The following LRRC4C variants were observed in gnomAD, a reference collection of about 807,000 sequenced individuals.
The protein encoded by LRRC4C is leucine rich repeat containing 4C.
In LRRC4C, 5 loss-of-function variants were observed where a neutral mutation model predicts 33.6. That is an observed-to-expected ratio of 0.15 (90% confidence interval 0.08 to 0.31). The LOEUF (loss-of-function observed/expected upper bound fraction) is 0.31. Ranked by LOEUF, LRRC4C falls within the 10% of genes least tolerant of loss-of-function variation. LRRC4C has a pLI of 1.00. For synonymous variants in LRRC4C, 329 were observed against 302.0 expected (o/e 1.09, Z -0.93); for missense variants, 560 against 796.7 (o/e 0.70, Z 3.58).
intron 3 of LRRC4C, among the ~76,000 whole-genome samples, chr11:40,502,105 C>G (rs886596738): frequency 3.3e-5 from 5 of 152,166 alleles, no homozygotes; most frequent in African/African-American, 1.2e-4. Context: ...GTCACCTTTG[C>G]TCTAGTTCCC....
At chr11:40,920,071 C>G (rs1768354411) in intron 2 of LRRC4C, among the ~76,000 whole-genome samples, 1 of 152,056 alleles carries the variant, frequency 6.6e-6, no homozygotes, top group Non-Finnish European at 1.5e-5. Flanking sequence ...TGATGCAATG[C>G]CATTAATTTT....
At chr11:40,265,120 C>T (rs1206837201) in intron 4 of LRRC4C, among the ~76,000 whole-genome samples, 8 of 152,138 alleles carry the variant, frequency 5.3e-5, no homozygotes, top group African/African-American at 1.9e-4. Flanking sequence ...AATTAATTTT[C>T]CCTCCTTCCA....
intron 1 of LRRC4C, among the ~76,000 whole-genome samples, chr11:40,965,407 C>T (rs1177329232): frequency 1.3e-5 from 2 of 151,978 alleles, no homozygotes; most frequent in Non-Finnish European, 2.9e-5. Context: ...CTTTTGTTGC[C>T]ATTGCTTTTG....
intron 6 of LRRC4C, among the ~76,000 whole-genome samples, chr11:40,129,695 A>T (rs1468814761): frequency 1.3e-5 from 2 of 152,164 alleles, no homozygotes; most frequent in African/African-American, 4.8e-5. Flanking sequence ...TGACCACCAC[A>T]TGCCTGCTAC....
intron 6 of LRRC4C, among the ~76,000 whole-genome samples, chr11:40,123,675 A>G (rs1363119648): frequency 2.0e-5 from 3 of 152,132 alleles, no homozygotes; most frequent in African/African-American, 7.2e-5. Flanking sequence ...TAAGCAATCT[A>G]CAGATTCAAT....
At chr11:40,782,445 C>CTT (rs201812921) in intron 2 of LRRC4C, among the ~76,000 whole-genome samples, 93 of 146,476 alleles carry the variant, frequency 6.3e-4, no homozygotes, top group African/African-American at 1.5e-3. Context: ...TAATTGCATA[C>CTT]TTTTTTTTTT....
chr11:40,342,861 T>TCTAC (rs1049341920), intron 3 of LRRC4C, among the ~76,000 whole-genome samples: 3 of 152,120 alleles, frequency 2.0e-5, no homozygotes, highest in Admixed American at 1.3e-4. Context: ...TATCTATCTA[T>TCTAC]CTACCTACCT....
At chr11:40,651,860 T>C (rs1032882279) in intron 2 of LRRC4C, among the ~76,000 whole-genome samples, 1 of 152,228 alleles carries the variant, frequency 6.6e-6, no homozygotes, top group Non-Finnish European at 1.5e-5. Flanking sequence ...TTCTTATTTA[T>C]GCGTGTCTTT....
chr11:40,903,675 GT>G (rs1484486481), intron 2 of LRRC4C, among the ~76,000 whole-genome samples: 1 of 152,110 alleles, frequency 6.6e-6, no homozygotes, highest in African/African-American at 2.4e-5. Context: ...ACTTTGAGGG[GT>G]TCAAGACTTC....
chr11:40,694,055 G>A (rs1290191728), intron 2 of LRRC4C, among the ~76,000 whole-genome samples: 1 of 152,112 alleles, frequency 6.6e-6, no homozygotes, highest in Non-Finnish European at 1.5e-5. Flanking sequence ...GAGATGAAAG[G>A]CAAAGCATAC....
At chr11:40,953,040 G>A (rs16935187) in intron 1 of LRRC4C, among the ~76,000 whole-genome samples, 14,282 of 151,776 alleles carry the variant, frequency 0.094, 731 homozygotes, top group African/African-American at 0.12. Flanking sequence ...GCACCAATGA[G>A]CATACAAATA....
chr11:41,235,554 C>T (rs1947983701), intron 1 of LRRC4C, among the ~76,000 whole-genome samples: 1 of 152,084 alleles, frequency 6.6e-6, no homozygotes, highest in Admixed American at 6.6e-5. Context: ...GTCTCTCTCC[C>T]TCTATCCCTT....
At chr11:41,132,124 A>T (rs1403914402) in intron 1 of LRRC4C, among the ~76,000 whole-genome samples, 1 of 152,146 alleles carries the variant, frequency 6.6e-6, no homozygotes, top group Non-Finnish European at 1.5e-5. Flanking sequence ...TGTGAGGTCC[A>T]AAAACCCTCT....
chr11:40,564,692 C>A (rs1166362120), intron 3 of LRRC4C, among the ~76,000 whole-genome samples: 3 of 152,150 alleles, frequency 2.0e-5, no homozygotes, highest in Non-Finnish European at 4.4e-5. Flanking sequence ...CTCAGTGTTA[C>A]ATTCTTCCAG....
intron 2 of LRRC4C, among the ~76,000 whole-genome samples, chr11:40,847,736 T>C (rs1436010598): frequency 6.6e-6 from 1 of 151,928 alleles, no homozygotes; most frequent in Non-Finnish European, 1.5e-5. Context: ...AAACTTCTCT[T>C]TGTACCTCTG....
intron 1 of LRRC4C, among the ~76,000 whole-genome samples, chr11:41,330,006 C>T (rs1951243092): frequency 6.6e-6 from 1 of 152,184 alleles, no homozygotes; most frequent in East Asian, 1.9e-4. Context: ...AAGGTTAATA[C>T]CTGAGAGAAA....
chr11:40,474,887 C>T (rs926300600), intron 3 of LRRC4C, among the ~76,000 whole-genome samples: 2 of 130,110 alleles, frequency 1.5e-5, no homozygotes, highest in African/African-American at 5.4e-5. Context: ...AAATGCAAAT[C>T]AAAACCACAA....
At chr11:41,183,979 A>T (rs1173797653) in intron 1 of LRRC4C, among the ~76,000 whole-genome samples, 1 of 152,214 alleles carries the variant, frequency 6.6e-6, no homozygotes. Flanking sequence ...TTGAAGCAAC[A>T]GCCCAAGCTA....
At chr11:41,021,085 C>T (rs547757075) in intron 1 of LRRC4C, among the ~76,000 whole-genome samples, 1 of 150,998 alleles carries the variant, frequency 6.6e-6, no homozygotes, top group African/African-American at 2.4e-5. Context: ...ATTTATTTAC[C>T]ATTTGTTTCT....
Sources: gnomAD v4.1 joint callset for allele counts (sites outside exome capture counted in the v4.1 genomes callset) on GRCh38, gnomAD v4.1.1 for gene constraint, MANE v1.5 for transcripts, NCBI Gene and HGNC (gene_info 2026-07-23, HGNC 2026-07-21) for gene names.